Variants in MTUS1 observed in about 807,000 individuals in gnomAD.
MTUS1 encodes microtubule-associated tumor suppressor 1.
MTUS1 carries 109 observed loss-of-function variants against 120.8 expected under a neutral mutation model. The ratio of observed to expected loss-of-function variants is 0.90; its 90% CI spans 0.77 to 1.06. The LOEUF (loss-of-function observed/expected upper bound fraction) is 1.06, where lower values mean the gene tolerates loss of function less well. Ranked by LOEUF, MTUS1 falls within the 50% of genes least tolerant of loss-of-function variation. The probability of loss-of-function intolerance (pLI) is 0.00; values close to 1 mark genes in which losing one functional copy is unlikely to be tolerated. For synonymous variants in MTUS1, 737 were observed against 550.5 expected, an observed-to-expected ratio of 1.34 and a Z score of -4.74; for missense variants, 2,210 against 1,486.3, an observed-to-expected ratio of 1.49 and a Z score of -8.01.
At chr8:17,740,695 C>T (rs1349174745) in intron 3 of MTUS1, among the ~76,000 whole-genome samples, 1 of 152,104 alleles carries the variant, frequency 6.6e-6, no homozygotes, top group South Asian at 2.1e-4. Flanking sequence ...AGTAATAATA[C>T]CAGATGGGGT....
At chr8:17,714,595 G>C (rs1821949620) in intron 5 of MTUS1, among the ~76,000 whole-genome samples, 1 of 152,302 alleles carries the variant, frequency 6.6e-6, no homozygotes, top group African/African-American at 2.4e-5. Context: ...GCCATTTAAA[G>C]TGAAGAAGCT....
chr8:17,713,137 A>T lies in MTUS1; in HGVS notation c.2623+77T>A, dbSNP rs74430719. On this transcript the variant is annotated intron_variant, in intron 6 of 14. Transcript: ENST00000693296. The stretch of plus-strand genomic sequence containing the variant: ...TCTACTTATAAGCACACCAGTAAAA[A>T]ATCACTGTAAATACTTGTAGTAACA... 2.8e-3 allele frequency: 3,329 copies of T among 1,201,392 alleles called. 67 individuals are homozygous for T. In the African/African-American group the frequency reaches 0.042, roughly 15 times the overall value. The allele number at this position is 1,201,392 out of a possible 1,614,324, so 74.4% of individuals were successfully genotyped here.
chr8:17,706,109 TA>T (rs1468716006), intron 6 of MTUS1: 22 of 152,162 alleles, frequency 1.4e-4, no homozygotes, highest in African/African-American at 5.1e-4. Flanking sequence ...AGATTTAAAA[TA>T]ATTCAACTTC....
Position 17,776,952 on chromosome 8 carries a change from G to C in MTUS1, c.-154-20991C>G, listed in dbSNP as rs115245637. Among the ~76,000 whole-genome samples, 223 of 152,190 alleles carry C rather than the reference G, an allele frequency of 1.5e-3. 2 individuals carry two copies. Among genetic ancestry groups the C allele is most frequent in the African/African-American group, 5.1e-3 (211 of 41,524 alleles). On this transcript the variant is annotated intron_variant, in intron 1 of 14. Transcript: ENST00000693296. ...AGCAATTTCAACAGCTGTAAGACTT[G>C]ATTTCATGATATCTTACTTAAAATG...
At chr8:17,742,495 A>G (rs1045685924) in intron 3 of MTUS1, among the ~76,000 whole-genome samples, 1 of 151,680 alleles carries the variant, frequency 6.6e-6, no homozygotes, top group South Asian at 2.1e-4. Context: ...CTTTCTCCCA[A>G]TGGCTTTTGG....
At chr8:17,762,549 T>C (rs1167627791) in intron 1 of MTUS1, among the ~76,000 whole-genome samples, 1 of 152,086 alleles carries the variant, frequency 6.6e-6, no homozygotes, top group African/African-American at 2.4e-5. Flanking sequence ...AGGAACCGAG[T>C]AGAGGAGTAC....
chr8:17,759,221 A>AT (rs2048856754), intron 1 of MTUS1, among the ~76,000 whole-genome samples: 1 of 151,420 alleles, frequency 6.6e-6, no homozygotes, highest in African/African-American at 2.4e-5. Flanking sequence ...AGGATAAATA[A>AT]TTTTATCACT....
rs117814635 is a variant in MTUS1 at position 17,712,406 on chromosome 8, C to T, written c.2623+808G>A. Among the ~76,000 whole-genome samples, 33 of 151,956 alleles carry T rather than the reference C, an allele frequency of 2.2e-4. No homozygotes were observed. In the Middle Eastern group the frequency reaches 0.014, roughly 63 times the overall value. On this transcript the variant is annotated intron_variant, in intron 6 of 14. Coordinates refer to ENST00000693296, the MANE Select transcript of MTUS1 (RefSeq NM_001363059.2). ...GGCTGGAGTGCAGTGGTGTAATCTA[C>T]GCTCAATGCCACCTCTGCCTCCCAG...
chr8:17,783,105 C>T (rs2051016708), intron 1 of MTUS1, among the ~76,000 whole-genome samples: 2 of 152,044 alleles, frequency 1.3e-5, no homozygotes, highest in South Asian at 4.1e-4. Flanking sequence ...CACACACACG[C>T]CCTTAAGAAC....
chr8:17,680,002 A>C (rs1814012960), intron 7 of MTUS1, among the ~76,000 whole-genome samples: 1 of 152,246 alleles, frequency 6.6e-6, no homozygotes, highest in South Asian at 2.1e-4. Flanking sequence ...TTCATAAGAA[A>C]GAACTAGATG....
chr8:17,722,668 C>G, intron 4 of MTUS1: 1 of 538,778 alleles, frequency 1.9e-6, no homozygotes, highest in Non-Finnish European at 2.4e-6. Flanking sequence ...AATGCATTCT[C>G]AATTCCCTCA....
intron 3 of MTUS1, among the ~76,000 whole-genome samples, chr8:17,732,326 G>A (rs1442194952): frequency 6.6e-6 from 1 of 152,162 alleles, no homozygotes; most frequent in Non-Finnish European, 1.5e-5. Context: ...TGTAAATTGT[G>A]TTCTTAACTG....
At chr8:17,773,113 C>A (rs1241659291) in intron 1 of MTUS1, among the ~76,000 whole-genome samples, 2 of 152,118 alleles carry the variant, frequency 1.3e-5, no homozygotes, top group Non-Finnish European at 2.9e-5. Flanking sequence ...CTCTTTACTC[C>A]TGTTATGCCA....
chr8:17,655,751 C>T, intron 9 of MTUS1, 112 bp downstream of exon 9: 2 of 913,340 alleles, frequency 2.2e-6, no homozygotes, highest in Non-Finnish European at 3.5e-6. Flanking sequence ...CAACAACATG[C>T]TTTTTATACC....
At chr8:17,729,497 T>G (rs779308728) in intron 3 of MTUS1, among the ~76,000 whole-genome samples, 1 of 152,168 alleles carries the variant, frequency 6.6e-6, no homozygotes, top group Non-Finnish European at 1.5e-5. Flanking sequence ...CTTACTTTGG[T>G]AACAAAAAGG....
intron 6 of MTUS1, among the ~76,000 whole-genome samples, chr8:17,704,455 G>A (rs1819738489): frequency 6.6e-6 from 1 of 152,104 alleles, no homozygotes; most frequent in African/African-American, 2.4e-5. Flanking sequence ...TGTGTACTGT[G>A]TGAGATAAGG....
chr8:17,799,989 T>C (rs1183234807), intron 1 of MTUS1, among the ~76,000 whole-genome samples: 2 of 152,288 alleles, frequency 1.3e-5, no homozygotes, highest in Non-Finnish European at 2.9e-5. Flanking sequence ...AGCACTGTAC[T>C]AACAGGACAT....
At chr8:17,731,550 A>T (rs572823942) in intron 3 of MTUS1, among the ~76,000 whole-genome samples, 1 of 152,214 alleles carries the variant, frequency 6.6e-6, no homozygotes, top group African/African-American at 2.4e-5. Flanking sequence ...AAAAATAATT[A>T]AACATAGGTC....
intron 1 of MTUS1, among the ~76,000 whole-genome samples, chr8:17,797,951 T>C (rs1258230815): frequency 1.3e-5 from 2 of 152,302 alleles, no homozygotes; most frequent in East Asian, 1.9e-4. Flanking sequence ...ATAAATACTT[T>C]GCTGAGTAGC....
Sources: allele counts gnomAD v4.1 joint callset (sites outside exome capture counted in the v4.1 genomes callset), GRCh38; gene constraint gnomAD v4.1.1; transcripts MANE v1.5; gene names NCBI Gene and HGNC (gene_info 2026-07-23, HGNC 2026-07-21).